Variants in PMFBP1 observed in about 807,000 individuals in gnomAD.
PMFBP1 encodes polyamine modulated factor 1 binding protein 1.
Under a neutral mutation model 137.8 loss-of-function variants are expected in PMFBP1, and 131 were observed. That is an observed-to-expected ratio of 0.95 (90% CI 0.82 to 1.10). The LOEUF (loss-of-function observed/expected upper bound fraction) is 1.10. Among genes scored for constraint, PMFBP1 ranks in the 50% least tolerant of loss-of-function variants. The pLI, the probability that PMFBP1 is intolerant of heterozygous loss-of-function variation, is 0.00. For synonymous variants in PMFBP1, 490 were observed against 450.4 expected (o/e 1.09, Z -1.11); for missense variants, 1,199 against 1,175.4 (o/e 1.02, Z -0.29).
the PMFBP1 span, among the ~76,000 whole-genome samples, chr16:72,197,444 G>T: frequency 6.6e-6 from 1 of 152,230 alleles, no homozygotes; most frequent in African/African-American, 2.4e-5. Context: ...GAAGCCAGCA[G>T]GCATATACAC....
the PMFBP1 span, among the ~76,000 whole-genome samples, chr16:72,244,435 T>A: frequency 0.018 from 2,743 of 152,286 alleles, 81 homozygotes; most frequent in African/African-American, 0.062. Flanking sequence ...CACTAAAGGA[T>A]AAAGGATAGG....
chr16:72,193,530 A>G, the PMFBP1 span, among the ~76,000 whole-genome samples: 1 of 152,132 alleles, frequency 6.6e-6, no homozygotes, highest in African/African-American at 2.4e-5. Flanking sequence ...GAAGAGTAAT[A>G]TATTATTTTT....
the PMFBP1 span, among the ~76,000 whole-genome samples, chr16:72,181,928 G>A: frequency 6.6e-6 from 1 of 152,278 alleles, no homozygotes; most frequent in Admixed American, 6.5e-5. Context: ...ATTGTCTTGG[G>A]CCGCATGTAA....
intron 9 of PMFBP1, among the ~76,000 whole-genome samples, chr16:72,133,592 G>A (rs2042580812): frequency 6.6e-6 from 1 of 152,124 alleles, no homozygotes; most frequent in African/African-American, 2.4e-5. Context: ...AGGCTCAAGC[G>A]ATCCTCCCAC....
intron 3 of PMFBP1, among the ~76,000 whole-genome samples, chr16:72,158,269 T>A (rs2043011781): frequency 6.6e-6 from 1 of 152,230 alleles, no homozygotes; most frequent in Non-Finnish European, 1.5e-5. Context: ...TGTATGTGGC[T>A]GGAGGAAAGT....
At chr16:72,216,195 T>C in the PMFBP1 span, among the ~76,000 whole-genome samples, 5 of 152,160 alleles carry the variant, frequency 3.3e-5, no homozygotes, top group Non-Finnish European at 4.4e-5. Flanking sequence ...ATGGAACTAC[T>C]GGGTGGAAGA....
chr16:72,247,903 C>T, the PMFBP1 span, among the ~76,000 whole-genome samples: 6 of 152,286 alleles, frequency 3.9e-5, no homozygotes, highest in African/African-American at 1.4e-4. Flanking sequence ...TATGATGACA[C>T]ATATCAGAAA....
the PMFBP1 span, among the ~76,000 whole-genome samples, chr16:72,200,067 G>C: frequency 6.6e-6 from 1 of 152,258 alleles, no homozygotes; most frequent in Non-Finnish European, 1.5e-5. Context: ...TACATGGCAA[G>C]CTGTTGGTAG....
chr16:72,124,425 G>C (rs1364188900), intron 17 of PMFBP1, among the ~76,000 whole-genome samples: 1 of 152,260 alleles, frequency 6.6e-6, no homozygotes, highest in Non-Finnish European at 1.5e-5. Context: ...AGCCCAGAAG[G>C]TCACTTAGTC....
the PMFBP1 span, among the ~76,000 whole-genome samples, chr16:72,208,644 C>T: frequency 6.6e-6 from 1 of 152,324 alleles, no homozygotes; most frequent in African/African-American, 2.4e-5. Context: ...GATAAAGATG[C>T]ATGCCACTTA....
chr16:72,204,776 G>C, the PMFBP1 span, among the ~76,000 whole-genome samples: 1 of 152,130 alleles, frequency 6.6e-6, no homozygotes. Context: ...GATGGCACTG[G>C]AGTACCAGCA....
downstream of PMFBP1, among the ~76,000 whole-genome samples, chr16:72,118,762 G>GT (rs1291837864): frequency 3.5e-5 from 3 of 86,440 alleles, no homozygotes; most frequent in East Asian, 3.9e-4. Flanking sequence ...CCGGTGGTGG[G>GT]CGGGGGGGCA....
chr16:72,143,913 T>C (rs1316369302), intron 5 of PMFBP1, among the ~76,000 whole-genome samples: 1 of 151,960 alleles, frequency 6.6e-6, no homozygotes, highest in Non-Finnish European at 1.5e-5. Flanking sequence ...TGGTGGCACA[T>C]GCCTGTAATC....
intron 2 of PMFBP1, among the ~76,000 whole-genome samples, chr16:72,169,970 G>A (rs934697978): frequency 2.6e-5 from 4 of 152,244 alleles, no homozygotes; most frequent in Admixed American, 2.6e-4. Context: ...TATGACATAT[G>A]TTGGAGATCA....
chr16:72,171,389 C>A, intron 1 of PMFBP1, 121 bp from the exon 2 acceptor site: 2 of 596,126 alleles, frequency 3.4e-6, no homozygotes, highest in Non-Finnish European at 5.9e-6. Context: ...GAACTGTTAG[C>A]AATACCCACT....
chr16:72,118,112 T>C (rs1277143599), downstream of PMFBP1, among the ~76,000 whole-genome samples: 1 of 152,232 alleles, frequency 6.6e-6, no homozygotes, highest in East Asian at 1.9e-4. Context: ...AATATTTTGG[T>C]AAATTATAGA....
the PMFBP1 span, among the ~76,000 whole-genome samples, chr16:72,226,466 T>C: frequency 2.0e-5 from 3 of 152,188 alleles, no homozygotes; most frequent in East Asian, 3.8e-4. Flanking sequence ...CTGACACTAA[T>C]GACAAGTGAC....
In PMFBP1 at chr16:72,120,047, C is replaced by T; in HGVS notation, c.2811G>A (p.Lys937=). 1 of 1,614,178 alleles carries T rather than the reference C, an allele frequency of 6.2e-7. No homozygotes were observed. Among genetic ancestry groups the T allele is most frequent in the Non-Finnish European group, 8.5e-7 (1 of 1,180,040 alleles). ...TCTCTTCTATCTCCTTCTTCAGCTT[C>T]TTGTTTTCCTGCTGCAAGTGGACCA... ...SVMVHLQQEN[K]KLKKEIEEKK... Residue 937 remains lysine, a synonymous_variant, in exon 20 of 21, where the codon AAG becomes AAA. Transcript: ENST00000237353.
At chr16:72,121,244 T>TGGCCTCAA (rs1438062467) in intron 19 of PMFBP1, among the ~76,000 whole-genome samples, 1 of 152,214 alleles carries the variant, frequency 6.6e-6, no homozygotes, top group African/African-American at 2.4e-5. Flanking sequence ...TCTACAAAGC[T>TGGCCTCAA]GGCCAACCTT....
Sources: allele counts gnomAD v4.1 joint callset (sites outside exome capture counted in the v4.1 genomes callset), GRCh38; gene constraint gnomAD v4.1.1; transcripts MANE v1.5; gene names NCBI Gene and HGNC (gene_info 2026-07-23, HGNC 2026-07-21).